TACR3: variants seen among roughly 807,000 people sequenced by gnomAD.
TACR3 encodes neuromedin-K receptor.
Under a neutral mutation model 35.0 loss-of-function variants are expected in TACR3, and 34 were observed. The observed-to-expected ratio is 0.97, with a 90% CI of 0.74 to 1.30. The LOEUF (loss-of-function observed/expected upper bound fraction) is 1.30. Ranked by LOEUF, TACR3 falls within the 50% of genes most tolerant of loss-of-function variation. The pLI is 0.00. For missense variants in TACR3, 558 were observed against 591.7 expected, an observed-to-expected ratio of 0.94 and a Z score of 0.59; for synonymous variants, 233 against 221.1, an observed-to-expected ratio of 1.05 and a Z score of -0.48.
intron 1 of TACR3, among the ~76,000 whole-genome samples, chr4:103,710,421 T>C (rs930740201): frequency 6.6e-6 from 1 of 151,950 alleles, no homozygotes; most frequent in Non-Finnish European, 1.5e-5. Flanking sequence ...GGTAAATAAC[T>C]AAATGAAGTC....
At chr4:103,629,865 A>AAC (rs1725012377) in intron 3 of TACR3, among the ~76,000 whole-genome samples, 12 of 130,564 alleles carry the variant, frequency 9.2e-5, no homozygotes, top group Non-Finnish European at 1.6e-4. Flanking sequence ...AAAAAACAAA[A>AAC]AAAAAACAAA....
intron 1 of TACR3, among the ~76,000 whole-genome samples, chr4:103,710,993 ATAAT>A (rs1311689364): frequency 6.6e-6 from 1 of 152,202 alleles, no homozygotes; most frequent in Non-Finnish European, 1.5e-5. Context: ...AATTGAGGCA[ATAAT>A]TAATTGCCTA....
In TACR3 at chr4:103,586,769, G is replaced by C. The variant is rs900996518; in HGVS notation, c.*2913C>G. 2.0e-5 allele frequency: 3 copies of C among 152,152 alleles called. No individual in the cohort carries two copies. Among genetic ancestry groups the C allele is most frequent in the Middle Eastern group, 6.8e-3 (2 of 294 alleles). 9.4% of individuals were successfully genotyped at this position (152,152 alleles called of 1,614,324 possible). A position where few individuals can be genotyped will look rare whatever the true frequency, so the allele number is the denominator to read the frequency against. On this transcript the variant is annotated 3_prime_UTR_variant, in exon 5 of 5. Coordinates refer to ENST00000304883, the MANE Select transcript of TACR3 (RefSeq NM_001059.3). ...GCTGTACTTGGTAAAAAATAAAAAA[G>C]TGTGAGAGTGAATTCTGTAACAATT...
Position 103,650,632 on chromosome 4 carries a change from ATAATATATATT to A in TACR3, c.888+5551_888+5561del, listed in dbSNP as rs1273996266. 4.6e-5 allele frequency among the ~76,000 whole-genome samples: 4 copies of A among 87,626 alleles called. No homozygotes were observed. The East Asian group carries it at 1.0e-3, about 22-fold the overall frequency. The allele number at this position is 87,626 out of a possible 152,430, so 57.5% of individuals were successfully genotyped here. On this transcript the variant is annotated intron_variant, in intron 3 of 4. Transcript: ENST00000304883. ...ATATAAATATATTATATATAAATAT[ATAATATATATT>A]TAATATATATAAATATATATAAATA... is the stretch of plus-strand genomic sequence containing the variant.
At chr4:103,614,907 TTTTTTG>T (rs1279281264) in intron 3 of TACR3, among the ~76,000 whole-genome samples, 11 of 133,054 alleles carry the variant, frequency 8.3e-5, no homozygotes, top group South Asian at 2.6e-4. Flanking sequence ...TTTTTTTTTT[TTTTTTG>T]AGACAGAGTC....
chr4:103,638,133 T>G (rs1301083762), intron 3 of TACR3, among the ~76,000 whole-genome samples: 1 of 151,952 alleles, frequency 6.6e-6, no homozygotes, highest in Admixed American at 6.6e-5. Context: ...CATCGCCAAG[T>G]CAATCCTAAG....
At chr4:103,627,290 G>A (rs1266676283) in intron 3 of TACR3, among the ~76,000 whole-genome samples, 1 of 145,036 alleles carries the variant, frequency 6.9e-6, no homozygotes, top group African/African-American at 2.6e-5. Context: ...CCAGGGTGAT[G>A]GATCACCTGA....
At chr4:103,676,439 T>C (rs547353807) in intron 1 of TACR3, among the ~76,000 whole-genome samples, 2 of 152,234 alleles carry the variant, frequency 1.3e-5, no homozygotes, top group East Asian at 3.9e-4. Flanking sequence ...CTAACCTATA[T>C]TAAATATAAT....
chr4:103,603,159 A>G (rs1289815074), intron 3 of TACR3, among the ~76,000 whole-genome samples: 2 of 152,164 alleles, frequency 1.3e-5, no homozygotes, highest in Non-Finnish European at 2.9e-5. Flanking sequence ...TGTGCTAGCA[A>G]TGAGCAAGAC....
intron 1 of TACR3, among the ~76,000 whole-genome samples, chr4:103,697,921 G>A (rs1560535889): frequency 6.6e-6 from 1 of 152,102 alleles, no homozygotes; most frequent in East Asian, 1.9e-4. Context: ...CTCTTTAAAG[G>A]TTTCATCAGC....
chr4:103,688,403 C>T (rs1262905448), intron 1 of TACR3, among the ~76,000 whole-genome samples: 2 of 151,620 alleles, frequency 1.3e-5, no homozygotes, highest in Non-Finnish European at 2.9e-5. Context: ...CAAATGGGAT[C>T]TAATTAAACT....
chr4:103,719,321 C>T lies in TACR3; in HGVS notation c.355G>A (p.Val119Ile). ...AGGTTCACAAGGAAGTAGTTGGTGA[C>T]AGTCCTCATGCGCTTGTGGGCCAGG... ...IILAHKRMRT[V>I]TNYFLVNLAF... The change falls in exon 1 of 5, where the codon GTC becomes ATC. Residue 119 changes from valine to isoleucine, a missense_variant. Val to Ile is a conservative substitution (Grantham distance 29). Coordinates refer to ENST00000304883, the MANE Select transcript of TACR3 (RefSeq NM_001059.3). 6.2e-7 allele frequency: 1 copy of T among 1,614,244 alleles called. No individual in the cohort carries two copies. The highest frequency in any genetic ancestry group is 8.5e-7 in the Non-Finnish European group (1 of 1,180,052).
intron 3 of TACR3, among the ~76,000 whole-genome samples, chr4:103,645,395 A>G (rs1214680641): frequency 1.3e-5 from 2 of 151,976 alleles, no homozygotes; most frequent in Non-Finnish European, 2.9e-5. Flanking sequence ...TAAATCTAAG[A>G]ATGGAAAAAT....
chr4:103,699,826 G>C (rs1722604691), intron 1 of TACR3, among the ~76,000 whole-genome samples: 1 of 151,964 alleles, frequency 6.6e-6, no homozygotes, highest in African/African-American at 2.4e-5. Flanking sequence ...AGGAACGTCA[G>C]GAACTCTGTT....
chr4:103,658,981 T>G (rs1455616831), intron 1 of TACR3, among the ~76,000 whole-genome samples: 1 of 152,146 alleles, frequency 6.6e-6, no homozygotes, highest in Non-Finnish European at 1.5e-5. Context: ...CAGCGACAGA[T>G]CATCACACAT....
chr4:103,711,671 G>A (rs1225716262), intron 1 of TACR3, among the ~76,000 whole-genome samples: 1 of 152,218 alleles, frequency 6.6e-6, no homozygotes, highest in South Asian at 2.1e-4. Flanking sequence ...AAGAAATAAA[G>A]GGTATTCAAT....
intron 3 of TACR3, among the ~76,000 whole-genome samples, chr4:103,640,368 TG>T (rs1423864158): frequency 1.3e-5 from 2 of 152,068 alleles, no homozygotes; most frequent in African/African-American, 4.8e-5. Context: ...ATCCTAACCT[TG>T]TAATAAGAAT....
At chr4:103,713,841 G>C (rs1202835626) in intron 1 of TACR3, among the ~76,000 whole-genome samples, 1 of 152,070 alleles carries the variant, frequency 6.6e-6, no homozygotes, top group Admixed American at 6.6e-5. Flanking sequence ...AAAGAAGAGA[G>C]GCTAAGGAGG....
chr4:103,668,029 A>C (rs1725970767), intron 1 of TACR3, among the ~76,000 whole-genome samples: 1 of 152,064 alleles, frequency 6.6e-6, no homozygotes, highest in African/African-American at 2.4e-5. Flanking sequence ...GTGGGATCTC[A>C]CCATGTTGTC....
Sources: gnomAD v4.1 joint callset for allele counts (sites outside exome capture counted in the v4.1 genomes callset) on GRCh38, gnomAD v4.1.1 for gene constraint, MANE v1.5 for transcripts, NCBI Gene and HGNC (gene_info 2026-07-23, HGNC 2026-07-21) for gene names.